SLC6A6: variants seen among roughly 807,000 people sequenced by gnomAD.
SLC6A6 encodes solute carrier family 6 member 6, also known as sodium- and chloride-dependent taurine transporter.
In SLC6A6, 16 loss-of-function variants were observed where a neutral mutation model predicts 68.8. The observed-to-expected ratio is 0.23, with a 90% CI of 0.16 to 0.35. SLC6A6 has a LOEUF of 0.35. Among genes scored for constraint, SLC6A6 ranks in the 10% least tolerant of loss-of-function variants. SLC6A6 has a pLI of 1.00. For synonymous variants in SLC6A6, 312 were observed against 315.4 expected (o/e 0.99, Z 0.12); for missense variants, 474 against 802.8 (o/e 0.59, Z 4.95).
chr3:14,415,448 G>A (rs73028233), intron 1 of SLC6A6, among the ~76,000 whole-genome samples: 7,135 of 152,254 alleles, frequency 0.047, 248 homozygotes, highest in Middle Eastern at 0.099. Context: ...GGGTCCTGGA[G>A]GCCTCTGTCT....
At chr3:14,432,135 T>C (rs1354628876) in intron 2 of SLC6A6, among the ~76,000 whole-genome samples, 1 of 152,178 alleles carries the variant, frequency 6.6e-6, no homozygotes, top group African/African-American at 2.4e-5. Flanking sequence ...CCAGTTTCTA[T>C]AGAGCAAGGG....
At chr3:14,439,429 G>A (rs1465568076) in intron 2 of SLC6A6, among the ~76,000 whole-genome samples, 1 of 152,242 alleles carries the variant, frequency 6.6e-6, no homozygotes, top group African/African-American at 2.4e-5. Flanking sequence ...CTGCCTGCGT[G>A]TGTGTCAAAT....
At chr3:14,474,141 C>A (rs1559312883) in intron 10 of SLC6A6, among the ~76,000 whole-genome samples, 1 of 152,194 alleles carries the variant, frequency 6.6e-6, no homozygotes, top group Non-Finnish European at 1.5e-5. Flanking sequence ...TCACTGGTCT[C>A]CCAGGCCCCA....
At chr3:14,471,130 C>T (rs1386116219) in intron 9 of SLC6A6, among the ~76,000 whole-genome samples, 11 of 83,114 alleles carry the variant, frequency 1.3e-4, no homozygotes, top group Admixed American at 2.8e-4. Flanking sequence ...TGCTTCTTGA[C>T]TTTTTTTTTT....
At chr3:14,414,092 G>A (rs1054777921) in intron 1 of SLC6A6, among the ~76,000 whole-genome samples, 1 of 152,202 alleles carries the variant, frequency 6.6e-6, no homozygotes, top group African/African-American at 2.4e-5. Flanking sequence ...GCTGAGTCCA[G>A]GTGCTGAAAG....
At position 14,447,661 on chromosome 3, in the gene SLC6A6, C is replaced by T; in HGVS notation, c.444C>T (p.Tyr148=). The part of the protein sequence containing the change: ...YIVILAWATY[Y]LFQSFQKELP... The stretch of plus-strand genomic sequence containing the variant: ...TCATCCTGGCCTGGGCCACATACTA[C>T]CTGTTCCAGTCCTTCCAGAAGGAGC... The change falls in exon 5 of 15, where the codon TAC becomes TAT. Residue 148 remains tyrosine (Y), a synonymous_variant. Transcript: ENST00000622186. 1 of 1,614,276 alleles carries T rather than the reference C, an allele frequency of 6.2e-7. No homozygotes were observed. Among genetic ancestry groups the T allele is most frequent in the South Asian group, 1.1e-5 (1 of 91,090 alleles).
At chr3:14,460,333 G>T (rs1700466928) in intron 6 of SLC6A6, among the ~76,000 whole-genome samples, 1 of 151,998 alleles carries the variant, frequency 6.6e-6, no homozygotes, top group African/African-American at 2.4e-5. Context: ...AAATGGGGAT[G>T]CGAGCTATGG....
At chr3:14,421,133 G>A (rs1435497826) in intron 2 of SLC6A6, among the ~76,000 whole-genome samples, 1 of 152,236 alleles carries the variant, frequency 6.6e-6, no homozygotes, top group African/African-American at 2.4e-5. Flanking sequence ...TCCCTGGGGA[G>A]CTCCTGCCTT....
rs1040502656 is a variant in SLC6A6, at chr3:14,482,075, G to C, written c.1722+234G>C. ...GACATTGGAAGCCGGGCTGTGGGGT[G>C]AGGAGGAACTTGCCAGATGGAGAAT... is the stretch of plus-strand genomic sequence containing the variant. On this transcript the variant is annotated intron_variant, in intron 14 of 14. Transcript: ENST00000622186. Among the ~76,000 whole-genome samples, 6 of 152,358 alleles carry C rather than the reference G, an allele frequency of 3.9e-5. No individual in the cohort carries two copies. The East Asian group carries it at 9.6e-4, about 24-fold the overall frequency.
At chr3:14,473,561 G>A (rs1700803305) in intron 10 of SLC6A6, among the ~76,000 whole-genome samples, 1 of 152,176 alleles carries the variant, frequency 6.6e-6, no homozygotes, top group African/African-American at 2.4e-5. Flanking sequence ...TCAAGCAGAG[G>A]AGGGTGAGTC....
chr3:14,463,867 C>T (rs886699881), intron 6 of SLC6A6, among the ~76,000 whole-genome samples: 4 of 152,182 alleles, frequency 2.6e-5, no homozygotes, highest in African/African-American at 9.7e-5. Context: ...GTCGGAGAGC[C>T]ATCCTGACAG....
At chr3:14,480,611 G>A (rs1700984920) in intron 13 of SLC6A6, among the ~76,000 whole-genome samples, 1 of 152,238 alleles carries the variant, frequency 6.6e-6, no homozygotes, top group Non-Finnish European at 1.5e-5. Flanking sequence ...AAAGATGCCT[G>A]CAGGCTAGTG....
chr3:14,444,024 CT>C (rs771081269), intron 3 of SLC6A6, 161 bp downstream of exon 3: 14 of 609,232 alleles, frequency 2.3e-5, no homozygotes, highest in Non-Finnish European at 4.1e-5. Flanking sequence ...CAACCCCACC[CT>C]TAGAGACAGG....
chr3:14,420,210 A>T (rs990631308), intron 2 of SLC6A6, among the ~76,000 whole-genome samples: 7 of 152,224 alleles, frequency 4.6e-5, no homozygotes, highest in Middle Eastern at 3.2e-3. Flanking sequence ...AGGCGGGTGG[A>T]TCACTTGAGG....
At chr3:14,433,669 T>G (rs1699781586) in intron 2 of SLC6A6, among the ~76,000 whole-genome samples, 1 of 152,004 alleles carries the variant, frequency 6.6e-6, no homozygotes, top group Admixed American at 6.6e-5. Context: ...CTGGGCGTGG[T>G]GGCAGGCACC....
At chr3:14,448,247 C>A in intron 5 of SLC6A6, 1 of 245,308 alleles carries the variant, frequency 4.1e-6, no homozygotes, top group Non-Finnish European at 7.0e-6. Context: ...GAAAAAGATG[C>A]ATCAGTTAGC....
At chr3:14,423,852 C>A (rs1699533545) in intron 2 of SLC6A6, among the ~76,000 whole-genome samples, 1 of 152,162 alleles carries the variant, frequency 6.6e-6, no homozygotes, top group South Asian at 2.1e-4. Context: ...TCCAGACATT[C>A]AGTGAAGTCT....
rs1003409598 is a variant in SLC6A6, at chr3:14,468,014, A to G, written c.971+58A>G. ...TAGAAATGATGATGATGATGTTTAA[A>G]GAAAAAGAGAAGTAGGGAGCGTGGC... On this transcript the variant is annotated intron_variant, in intron 8 of 14. Transcript: ENST00000622186. The surrounding 1 kb of genome is among the most constrained non-coding windows in gnomAD (Gnocchi z 4.5). 1.9e-6 allele frequency: 3 copies of G among 1,611,372 alleles called. No individual in the cohort carries two copies. The African/African-American group carries it at 4.0e-5, about 22-fold the overall frequency.
chr3:14,426,188 T>C (rs1201211074), intron 2 of SLC6A6, among the ~76,000 whole-genome samples: 3 of 152,198 alleles, frequency 2.0e-5, no homozygotes, highest in African/African-American at 7.2e-5. Context: ...TCCTGGTATC[T>C]AAGGTCACAG....
Sources: gnomAD v4.1 joint callset for allele counts (sites outside exome capture counted in the v4.1 genomes callset) on GRCh38, gnomAD v4.1.1 for gene constraint, Gnocchi (gnomAD v3.1) non-coding constraint, MANE v1.5 for transcripts, NCBI Gene and HGNC (gene_info 2026-07-23, HGNC 2026-07-21) for gene names.